ZFHX3: variants seen among roughly 807,000 people sequenced by gnomAD.
ZFHX3 encodes the protein zinc finger homeobox protein 3.
In ZFHX3, 42 loss-of-function variants were observed where a neutral mutation model predicts 279.1. The ratio of observed to expected loss-of-function variants is 0.15; its 90% CI spans 0.12 to 0.19. ZFHX3 has a LOEUF of 0.19. Ranked by LOEUF, ZFHX3 falls within the 10% of genes least tolerant of loss-of-function variation. The pLI is 1.00. For missense variants in ZFHX3, 4,981 were observed against 4,754.0 expected (o/e 1.05, Z -1.40); for synonymous variants, 2,293 against 1,957.8 (o/e 1.17, Z -4.52).
chr16:73,756,483 T>C (rs1225918216), intron 1 of ZFHX3, among the ~76,000 whole-genome samples: 1 of 152,108 alleles, frequency 6.6e-6, no homozygotes, highest in Non-Finnish European at 1.5e-5. Flanking sequence ...CTTCTTCCCC[T>C]TCCTGGCAAT....
chr16:73,325,974 C>T (rs2015680288), intron 3 of ZFHX3, among the ~76,000 whole-genome samples: 1 of 150,786 alleles, frequency 6.6e-6, no homozygotes, highest in East Asian at 2.0e-4. Context: ...CTGAGGAGGT[C>T]AGCTGAGGCT....
At chr16:73,292,197 A>G (rs2014789570) in intron 4 of ZFHX3, among the ~76,000 whole-genome samples, 1 of 152,228 alleles carries the variant, frequency 6.6e-6, no homozygotes, top group Admixed American at 6.5e-5. Flanking sequence ...TTTATTATTA[A>G]CAAGAGAAAG....
chr16:73,166,484 C>T (rs990693259), intron 5 of ZFHX3, among the ~76,000 whole-genome samples: 2 of 151,970 alleles, frequency 1.3e-5, no homozygotes, highest in African/African-American at 4.8e-5. Flanking sequence ...TATGGCTAGA[C>T]GAAGCCACCA....
intron 1 of ZFHX3, among the ~76,000 whole-genome samples, chr16:73,034,054 T>C (rs1226798520): frequency 6.6e-6 from 1 of 151,838 alleles, no homozygotes; most frequent in African/African-American, 2.4e-5. Context: ...CATTTAGTTT[T>C]GAAAAGAAGT....
At chr16:73,020,719 T>G (rs992838449) in intron 1 of ZFHX3, among the ~76,000 whole-genome samples, 1 of 152,180 alleles carries the variant, frequency 6.6e-6, no homozygotes, top group Non-Finnish European at 1.5e-5. Flanking sequence ...AATTCTCCAT[T>G]TAAATATTTA....
chr16:72,912,370 T>C (rs1237846761), intron 3 of ZFHX3, among the ~76,000 whole-genome samples: 2 of 152,160 alleles, frequency 1.3e-5, no homozygotes, highest in Admixed American at 6.5e-5. Context: ...GCAATATAAA[T>C]GGGACCTGGG....
At chr16:73,190,598 C>T (rs1161858917) in intron 5 of ZFHX3, among the ~76,000 whole-genome samples, 1 of 152,204 alleles carries the variant, frequency 6.6e-6, no homozygotes, top group East Asian at 1.9e-4. Context: ...TCTTTCATGA[C>T]AGTGAAGGTG....
intron 2 of ZFHX3, among the ~76,000 whole-genome samples, chr16:73,560,465 G>A (rs2020353031): frequency 6.6e-6 from 1 of 152,094 alleles, no homozygotes; most frequent in African/African-American, 2.4e-5. Context: ...TTTGATGATC[G>A]TTTTCTACAC....
At chr16:73,262,508 T>C (rs765766382) in intron 4 of ZFHX3, among the ~76,000 whole-genome samples, 7 of 152,156 alleles carry the variant, frequency 4.6e-5, no homozygotes, top group Non-Finnish European at 7.3e-5. Flanking sequence ...CCTCTAGAGC[T>C]AGAAGGGTTC....
At chr16:73,146,942 G>A (rs1966866225) in intron 5 of ZFHX3, among the ~76,000 whole-genome samples, 1 of 152,216 alleles carries the variant, frequency 6.6e-6, no homozygotes, top group African/African-American at 2.4e-5. Context: ...ACAGACGTGA[G>A]CCACCGTGCC....
chr16:73,820,722 C>A (rs1424554743), intron 1 of ZFHX3, among the ~76,000 whole-genome samples: 2 of 151,978 alleles, frequency 1.3e-5, no homozygotes, highest in Non-Finnish European at 2.9e-5. Flanking sequence ...CCACCAAGCT[C>A]TTGGGTAGTT....
At chr16:73,448,720 G>GTA (rs2018233811) in intron 3 of ZFHX3, among the ~76,000 whole-genome samples, 1 of 150,606 alleles carries the variant, frequency 6.6e-6, no homozygotes, top group Non-Finnish European at 1.5e-5. Context: ...GTGTGTGTGT[G>GTA]TATCTTCCTC....
At chr16:73,405,742 C>T (rs1371258694) in intron 3 of ZFHX3, among the ~76,000 whole-genome samples, 1 of 151,742 alleles carries the variant, frequency 6.6e-6, no homozygotes, top group East Asian at 1.9e-4. Flanking sequence ...AAATACCAGG[C>T]TGGAATGCCA....
intron 1 of ZFHX3, among the ~76,000 whole-genome samples, chr16:72,988,788 T>C (rs529478518): frequency 6.6e-6 from 1 of 152,376 alleles, no homozygotes; most frequent in African/African-American, 2.4e-5. Flanking sequence ...TGCAAAATCA[T>C]CATAATTTTT....
At chr16:73,507,581 A>G (rs2019350300) in intron 2 of ZFHX3, among the ~76,000 whole-genome samples, 1 of 138,946 alleles carries the variant, frequency 7.2e-6, no homozygotes, top group Non-Finnish European at 1.5e-5. Context: ...CTGCAGCTTC[A>G]CATTCCTGGG....
intron 2 of ZFHX3, among the ~76,000 whole-genome samples, chr16:73,496,420 A>C (rs1319073758): frequency 6.6e-6 from 1 of 152,108 alleles, no homozygotes; most frequent in Non-Finnish European, 1.5e-5. Context: ...AATCTCAGCT[A>C]CTCTGGAGGC....
intron 1 of ZFHX3, among the ~76,000 whole-genome samples, chr16:73,008,101 T>C (rs887250583): frequency 3.3e-5 from 5 of 152,216 alleles, no homozygotes; most frequent in African/African-American, 1.2e-4. Context: ...ATCACTTTTA[T>C]CTTACAATTC....
chr16:73,448,822 AT>A (rs1448918597), intron 3 of ZFHX3, among the ~76,000 whole-genome samples: 1 of 151,730 alleles, frequency 6.6e-6, no homozygotes, highest in East Asian at 1.9e-4. Flanking sequence ...ACTAATATGA[AT>A]TTTTTGATCC....
At chr16:73,659,812 G>T (rs1054775654) in intron 2 of ZFHX3, among the ~76,000 whole-genome samples, 1 of 152,032 alleles carries the variant, frequency 6.6e-6, no homozygotes, top group Admixed American at 6.6e-5. Flanking sequence ...AAAATACTTC[G>T]TTCAAGTTTC....
Sources: allele counts gnomAD v4.1 joint callset (sites outside exome capture counted in the v4.1 genomes callset), GRCh38; gene constraint gnomAD v4.1.1; transcripts MANE v1.5; gene names NCBI Gene and HGNC (gene_info 2026-07-23, HGNC 2026-07-21).